The following VRK2 variants were observed in gnomAD, a reference collection of about 807,000 sequenced individuals.
VRK2 encodes VRK serine/threonine kinase 2, also known as serine/threonine-protein kinase VRK2.
In VRK2, 60 loss-of-function variants were observed where a neutral mutation model predicts 57.6. That is an observed-to-expected ratio of 1.04 (90% CI 0.85 to 1.29). The LOEUF (loss-of-function observed/expected upper bound fraction) is 1.29. Among genes scored for constraint, VRK2 ranks in the 50% most tolerant of loss-of-function variants. VRK2 has a pLI of 0.00. For missense variants in VRK2, 705 were observed against 588.1 expected (o/e 1.20, Z -2.06); for synonymous variants, 231 against 199.2 (o/e 1.16, Z -1.35).
At chr2:58,117,366 C>T (rs528957628) in intron 7 of VRK2, among the ~76,000 whole-genome samples, 20 of 152,078 alleles carry the variant, frequency 1.3e-4, no homozygotes, top group Non-Finnish European at 1.9e-4. Context: ...AACTGTAAGC[C>T]GGACCAGGTG....
intron 1 of VRK2, among the ~76,000 whole-genome samples, chr2:57,923,522 T>TG (rs1284721939): frequency 2.3e-5 from 3 of 130,470 alleles, no homozygotes; most frequent in South Asian, 4.8e-4. Flanking sequence ...GCCATTTGTA[T>TG]GTTTTTTTTT....
At chr2:57,972,682 T>C (rs1257414285) in intron 1 of VRK2, among the ~76,000 whole-genome samples, 1 of 151,894 alleles carries the variant, frequency 6.6e-6, no homozygotes, top group Non-Finnish European at 1.5e-5. Context: ...AACGCATCCA[T>C]GATTAAAAAG....
At chr2:58,113,725 A>G (rs1046841018) in intron 7 of VRK2, among the ~76,000 whole-genome samples, 2 of 152,020 alleles carry the variant, frequency 1.3e-5, no homozygotes, top group Admixed American at 1.3e-4. Flanking sequence ...AACAAATCAC[A>G]ATGGTGGAAT....
chr2:58,025,507 T>C (rs1673897648), intron 1 of VRK2, among the ~76,000 whole-genome samples: 1 of 152,214 alleles, frequency 6.6e-6, no homozygotes, highest in Admixed American at 6.5e-5. Flanking sequence ...ATGTCTGCTA[T>C]ATTTTAATCA....
chr2:57,965,170 A>G (rs1201920933), intron 1 of VRK2, among the ~76,000 whole-genome samples: 5 of 152,242 alleles, frequency 3.3e-5, no homozygotes, highest in African/African-American at 1.2e-4. Flanking sequence ...TCATCATCAT[A>G]CAATGAAATA....
chr2:57,985,856 G>A (rs991386613), intron 1 of VRK2, among the ~76,000 whole-genome samples: 5 of 151,896 alleles, frequency 3.3e-5, no homozygotes, highest in Non-Finnish European at 5.9e-5. Flanking sequence ...CACAAAGAAT[G>A]CAAAGTCAAT....
At chr2:58,085,188 AATGTT>A (rs1243804640) in intron 4 of VRK2, among the ~76,000 whole-genome samples, 1 of 151,946 alleles carries the variant, frequency 6.6e-6, no homozygotes, top group Non-Finnish European at 1.5e-5. Context: ...CTTTACATAA[AATGTT>A]AGGTTGTTAA....
intron 7 of VRK2, among the ~76,000 whole-genome samples, chr2:58,111,799 G>A (rs1041745525): frequency 1.3e-5 from 2 of 151,750 alleles, no homozygotes; most frequent in Non-Finnish European, 2.9e-5. Context: ...GAAAAAAAAA[G>A]GTAATATATA....
chr2:58,037,203 T>G (rs545688740), intron 3 of VRK2, among the ~76,000 whole-genome samples: 3 of 152,060 alleles, frequency 2.0e-5, no homozygotes, highest in Non-Finnish European at 4.4e-5. Flanking sequence ...TCCAAAGTTC[T>G]GAGATTACAG....
intron 1 of VRK2, among the ~76,000 whole-genome samples, chr2:58,025,293 A>C (rs1235330181): frequency 6.6e-6 from 1 of 151,786 alleles, no homozygotes. Flanking sequence ...ATTAGTTAAT[A>C]TCTATAAAGC....
At chr2:57,952,821 GA>G (rs1212073443) in intron 1 of VRK2, among the ~76,000 whole-genome samples, 1 of 151,868 alleles carries the variant, frequency 6.6e-6, no homozygotes, top group Non-Finnish European at 1.5e-5. Flanking sequence ...ACTTCTGGGT[GA>G]AAGCCAGGGC....
At chr2:57,991,260 T>A (rs778997955) in intron 1 of VRK2, among the ~76,000 whole-genome samples, 1 of 152,124 alleles carries the variant, frequency 6.6e-6, no homozygotes, top group Non-Finnish European at 1.5e-5. Flanking sequence ...ATATTCACTA[T>A]GATTTTATAT....
intron 7 of VRK2, among the ~76,000 whole-genome samples, chr2:58,099,094 C>T (rs1384711172): frequency 6.6e-6 from 1 of 151,930 alleles, no homozygotes; most frequent in African/African-American, 2.4e-5. Context: ...GGTTTCCTTA[C>T]TTATAATGGA....
intron 1 of VRK2, among the ~76,000 whole-genome samples, chr2:58,009,014 C>T (rs763772040): frequency 6.6e-6 from 1 of 152,108 alleles, no homozygotes; most frequent in African/African-American, 2.4e-5. Flanking sequence ...CCTCTGCCAA[C>T]CCCTTTAATA....
At chr2:57,976,736 TGTC>T in intron 1 of VRK2, among the ~76,000 whole-genome samples, 1 of 152,158 alleles carries the variant, frequency 6.6e-6, no homozygotes, top group Non-Finnish European at 1.5e-5. Context: ...AGGTCCCACT[TGTC>T]TACTTTTGTT....
chr2:57,947,765 C>T (rs1671306052), intron 1 of VRK2, among the ~76,000 whole-genome samples: 1 of 152,254 alleles, frequency 6.6e-6, no homozygotes, highest in African/African-American at 2.4e-5. Flanking sequence ...GGTAGTCTAA[C>T]AAAACTTTTC....
At chr2:58,057,173 T>C (rs1450611593) in intron 2 of VRK2, among the ~76,000 whole-genome samples, 3 of 152,132 alleles carry the variant, frequency 2.0e-5, no homozygotes, top group Non-Finnish European at 4.4e-5. Flanking sequence ...TCTTAAAAAA[T>C]GATGTGTTAA....
chr2:58,065,207 C>T (rs1668450263), intron 2 of VRK2, among the ~76,000 whole-genome samples: 1 of 151,888 alleles, frequency 6.6e-6, no homozygotes. Flanking sequence ...TTAACACACC[C>T]ACCAACATAA....
chr2:58,159,342 T>C lies in VRK2; in HGVS notation c.1183-7T>C, dbSNP rs1237458191. On this transcript the variant is annotated splice_polypyrimidine_tract_variant and splice_region_variant and intron_variant, in intron 12 of 12. Transcript: ENST00000340157. Reference sequence around the variant, plus strand: ...CAAACTAAACTATATATGTATTTTTTCCATAGGAAAGCACAAGGAGAAGAC... The same window carrying C: ...CAAACTAAACTATATATGTATTTTTCCCATAGGAAAGCACAAGGAGAAGAC... The C allele has an allele frequency of 4.4e-6, 7 of 1,585,814 alleles. No homozygotes were observed. Among genetic ancestry groups the C allele is most frequent in the Non-Finnish European group, 6.0e-6 (7 of 1,169,550 alleles).
Sources: allele counts gnomAD v4.1 joint callset (sites outside exome capture counted in the v4.1 genomes callset), GRCh38; gene constraint gnomAD v4.1.1; transcripts MANE v1.5; gene names NCBI Gene and HGNC (gene_info 2026-07-23, HGNC 2026-07-21).